Variants in CELF2 observed in about 807,000 individuals in gnomAD.
CELF2 encodes the protein CUGBP Elav-like family member 2.
A neutral mutation model predicts 62.6 loss-of-function variants in CELF2; 8 were observed. That is an observed-to-expected ratio of 0.13 (90% CI 0.07 to 0.23). CELF2 has a LOEUF of 0.23. Ranked by LOEUF, CELF2 falls within the 10% of genes least tolerant of loss-of-function variation. The pLI is 1.00. For missense variants in CELF2, 333 were observed against 671.0 expected, an observed-to-expected ratio of 0.50 and a Z score of 5.56; for synonymous variants, 258 against 250.0, an observed-to-expected ratio of 1.03 and a Z score of -0.30.
the CELF2 span, among the ~76,000 whole-genome samples, chr10:10,493,383 T>C: frequency 6.6e-6 from 1 of 152,088 alleles, no homozygotes; most frequent in Non-Finnish European, 1.5e-5. Context: ...AAGGTATTAA[T>C]GTACTTCATG....
At chr10:10,554,246 G>A in the CELF2 span, among the ~76,000 whole-genome samples, 1 of 152,108 alleles carries the variant, frequency 6.6e-6, no homozygotes, top group Admixed American at 6.6e-5. Context: ...GAAGCATCTG[G>A]CCCAGATGTA....
intron 2 of CELF2, among the ~76,000 whole-genome samples, chr10:10,921,288 T>C (rs2064883485): frequency 6.7e-6 from 1 of 148,670 alleles, no homozygotes; most frequent in Non-Finnish European, 1.5e-5. Flanking sequence ...TTGTTTGTTT[T>C]AGCTGGAGTC....
intron 2 of CELF2, among the ~76,000 whole-genome samples, chr10:10,987,089 A>G (rs774905529): frequency 6.6e-6 from 1 of 152,206 alleles, no homozygotes; most frequent in Non-Finnish European, 1.5e-5. Flanking sequence ...TACCGTCTCA[A>G]TTGCATCCTA....
At chr10:11,001,626 C>A (rs906165407), upstream of CELF2, among the ~76,000 whole-genome samples, 1 of 152,140 alleles carries the variant, frequency 6.6e-6, no homozygotes, top group East Asian at 1.9e-4. Context: ...AGCTCACTGC[C>A]AATATTCTCA....
chr10:10,861,220 C>T (rs183670355), intron 1 of CELF2, among the ~76,000 whole-genome samples: 206 of 152,160 alleles, frequency 1.4e-3, no homozygotes, highest in East Asian at 5.0e-3. Flanking sequence ...ACTACAGGTG[C>T]ATCCCAGCAC....
chr10:10,499,103 G>T, the CELF2 span, among the ~76,000 whole-genome samples: 87 of 138,986 alleles, frequency 6.3e-4, no homozygotes, highest in African/African-American at 2.3e-3. Context: ...GTCTCACTCT[G>T]TTGCCTAGGC....
At chr10:10,775,224 G>T in the CELF2 span, among the ~76,000 whole-genome samples, 2 of 152,160 alleles carry the variant, frequency 1.3e-5, no homozygotes. Context: ...GAGGGTCTTG[G>T]AAATATCTAG....
the CELF2 span, chr10:10,788,886 G>T: frequency 1.3e-5 from 2 of 152,260 alleles, no homozygotes; most frequent in South Asian, 2.1e-4. Context: ...ATTGGAGCTG[G>T]GTTAGGGCCC....
In CELF2 at chr10:11,207,797, T is replaced by C. The variant is rs1480629956; in HGVS notation, c.272-9628T>C. Among the ~76,000 whole-genome samples, 7 of 152,220 alleles carry C rather than the reference T, an allele frequency of 4.6e-5. No homozygotes were observed. Among genetic ancestry groups the C allele is most frequent in the African/African-American group, 1.7e-4 (7 of 41,450 alleles). ...ATCAAACTCTATAAAACTAAGCTAA[T>C]TGGATACGGTTTCCTTAAAAGTAGA... is the stretch of plus-strand genomic sequence containing the variant. On this transcript the variant is annotated intron_variant, in intron 2 of 12. Coordinates refer to ENST00000633077, the MANE Select transcript of CELF2 (RefSeq NM_001326342.2). The surrounding 1 kb of genome is among the most constrained non-coding windows in gnomAD (Gnocchi z 4.1).
rs532706039 is a variant in CELF2, at chr10:11,088,641, G to A, written c.74+70478G>A. On this transcript the variant is annotated intron_variant, in intron 1 of 12. Coordinates refer to ENST00000633077, the MANE Select transcript of CELF2 (RefSeq NM_001326342.2). ...CACATGTCTTAGGCAGAGGGAGCCA[G>A]GAAGCACTGGTGGTTTTGTTGGGTG... is the stretch of plus-strand genomic sequence containing the variant. Among the ~76,000 whole-genome samples the A allele has an allele frequency of 1.7e-4, 26 of 152,278 alleles. No individual in the cohort carries two copies. The East Asian group carries it at 4.8e-3, about 28-fold the overall frequency.
chr10:10,812,097 G>T (rs2055956828), intron 1 of CELF2, among the ~76,000 whole-genome samples: 1 of 152,104 alleles, frequency 6.6e-6, no homozygotes, highest in African/African-American at 2.4e-5. Context: ...CCATTTTCAT[G>T]TTGCTGACCA....
chr10:10,700,830 T>A, the CELF2 span, among the ~76,000 whole-genome samples: 1 of 152,232 alleles, frequency 6.6e-6, no homozygotes, highest in African/African-American at 2.4e-5. Context: ...GCTAATACAA[T>A]TGATATGCTT....
At chr10:10,491,560 A>G in the CELF2 span, among the ~76,000 whole-genome samples, 3 of 152,182 alleles carry the variant, frequency 2.0e-5, no homozygotes, top group Non-Finnish European at 2.9e-5. Context: ...GCTCAACTGC[A>G]TGAAGCCCAT....
At chr10:10,536,594 G>A in the CELF2 span, among the ~76,000 whole-genome samples, 1 of 152,172 alleles carries the variant, frequency 6.6e-6, no homozygotes, top group African/African-American at 2.4e-5. Context: ...ACCCCAAACA[G>A]GGTTTCTGGT....
chr10:11,275,010 A>G, intron 7 of CELF2, 47 bp from the exon 8 acceptor site: 1 of 1,563,390 alleles, frequency 6.4e-7, no homozygotes, highest in African/African-American at 1.4e-5. Flanking sequence ...TGAGGGAGTT[A>G]CTTTGCTCTC....
rs1195863929 is a variant in CELF2 at position 11,008,278 on chromosome 10, G to A, written c.53+2838G>A. ...GGAAAATGACTTCTTTCCACAGAAA[G>A]TAAATATTGCACCCTAAGCCCTTCT... On this transcript the variant is annotated intron_variant, in intron 1 of 12. Coordinates refer to the CELF2 transcript ENST00000416382. The surrounding 1 kb of genome is among the most constrained non-coding windows in gnomAD (Gnocchi z 4.5). 6.6e-6 allele frequency among the ~76,000 whole-genome samples: 1 copy of A among 152,186 alleles called. No individual in the cohort carries two copies. Among genetic ancestry groups the A allele is most frequent in the Non-Finnish European group, 1.5e-5 (1 of 68,024 alleles).
At chr10:10,722,982 T>G in the CELF2 span, among the ~76,000 whole-genome samples, 1 of 152,244 alleles carries the variant, frequency 6.6e-6, no homozygotes, top group Non-Finnish European at 1.5e-5. Flanking sequence ...GATATTCATC[T>G]TATTCGATTA....
intron 9 of CELF2, among the ~76,000 whole-genome samples, chr10:11,301,901 G>A (rs1053129422): frequency 6.6e-6 from 1 of 152,078 alleles, no homozygotes; most frequent in Non-Finnish European, 1.5e-5. Flanking sequence ...AGCGCACTAG[G>A]GCCTGCACGT....
intron 1 of CELF2, among the ~76,000 whole-genome samples, chr10:11,071,362 C>G (rs141305145): frequency 1.3e-4 from 20 of 152,298 alleles, no homozygotes; most frequent in African/African-American, 4.8e-4. Flanking sequence ...GTTTCATTAC[C>G]TCCGTTTTAC....
Sources: gnomAD v4.1 joint callset for allele counts (sites outside exome capture counted in the v4.1 genomes callset) on GRCh38, gnomAD v4.1.1 for gene constraint, Gnocchi (gnomAD v3.1) non-coding constraint, MANE v1.5 for transcripts, NCBI Gene and HGNC (gene_info 2026-07-23, HGNC 2026-07-21) for gene names.